MAGI2: variants seen among roughly 807,000 people sequenced by gnomAD.
The protein encoded by MAGI2 is membrane-associated guanylate kinase, WW and PDZ domain-containing protein 2.
In MAGI2, 35 loss-of-function variants were observed where a neutral mutation model predicts 133.3. The observed-to-expected ratio is 0.26, with a 90% CI of 0.20 to 0.35. MAGI2 has a LOEUF of 0.35. Ranked by LOEUF, MAGI2 falls within the 10% of genes least tolerant of loss-of-function variation. The pLI is 1.00. For synonymous variants in MAGI2, 729 were observed against 710.6 expected, an observed-to-expected ratio of 1.03 and a Z score of -0.41; for missense variants, 1,636 against 1,863.4, an observed-to-expected ratio of 0.88 and a Z score of 2.25.
At chr7:78,956,117 T>G (rs939943555) in intron 2 of MAGI2, among the ~76,000 whole-genome samples, 1 of 152,064 alleles carries the variant, frequency 6.6e-6, no homozygotes, top group African/African-American at 2.4e-5. Context: ...CAAAGGCCAG[T>G]GCAAGAGGGG....
At chr7:78,862,302 A>G (rs140489180) in intron 2 of MAGI2, among the ~76,000 whole-genome samples, 64 of 152,316 alleles carry the variant, frequency 4.2e-4, no homozygotes, top group African/African-American at 1.3e-3. Context: ...ACATTCTACA[A>G]TGTGGACTTT....
intron 2 of MAGI2, among the ~76,000 whole-genome samples, chr7:78,661,313 C>T (rs1268964337): frequency 6.6e-6 from 1 of 152,000 alleles, no homozygotes; most frequent in African/African-American, 2.4e-5. Context: ...TATGGAGATA[C>T]CTTTAAACCA....
chr7:79,419,901 T>A (rs1846819978), intron 1 of MAGI2, among the ~76,000 whole-genome samples: 1 of 152,058 alleles, frequency 6.6e-6, no homozygotes, highest in Non-Finnish European at 1.5e-5. Flanking sequence ...GGGAAATACA[T>A]TATTTTCCCC....
chr7:78,311,049 T>C (rs896216267), intron 9 of MAGI2, among the ~76,000 whole-genome samples: 2 of 152,238 alleles, frequency 1.3e-5, no homozygotes, highest in African/African-American at 2.4e-5. Flanking sequence ...TTCTAAGTGC[T>C]AACTCATTTG....
rs552111083 is a variant in MAGI2 at position 79,122,061 on chromosome 7, A to G, written c.302-114855T>C. 5.3e-5 allele frequency among the ~76,000 whole-genome samples: 8 copies of G among 152,292 alleles called. No homozygotes were observed. In the South Asian group the frequency reaches 1.7e-3, roughly 32 times the overall value. On this transcript the variant is annotated intron_variant, in intron 1 of 21. Transcript: ENST00000354212. ...AATTGATTTCTGCATATAAATGTAGATGTTCAATTAATCGTTATTGCTTTT... is the reference window on the plus strand; with the variant it reads ...AATTGATTTCTGCATATAAATGTAGGTGTTCAATTAATCGTTATTGCTTTT...
chr7:78,961,369 GA>G (rs977632793), intron 2 of MAGI2, among the ~76,000 whole-genome samples: 1 of 152,048 alleles, frequency 6.6e-6, no homozygotes, highest in Non-Finnish European at 1.5e-5. Context: ...TCTGGAGAAG[GA>G]AATTCTCTCT....
intron 2 of MAGI2, among the ~76,000 whole-genome samples, chr7:78,872,737 A>C (rs1338101792): frequency 6.6e-6 from 1 of 152,082 alleles, no homozygotes; most frequent in Non-Finnish European, 1.5e-5. Flanking sequence ...TCTGAGGGAA[A>C]TATTTCTGGC....
intron 6 of MAGI2, among the ~76,000 whole-genome samples, chr7:78,477,208 G>C (rs1387332622): frequency 6.6e-6 from 1 of 151,854 alleles, no homozygotes; most frequent in Non-Finnish European, 1.5e-5. Flanking sequence ...TTAATGCCTG[G>C]CAGTGTGATT....
Position 78,506,597 on chromosome 7 carries a change from C to T in MAGI2, c.755-4810G>A, listed in dbSNP as rs1795109550. On this transcript the variant is annotated intron_variant, in intron 4 of 21. Coordinates refer to ENST00000354212, the MANE Select transcript of MAGI2 (RefSeq NM_012301.4). Reference sequence around the variant, plus strand: ...AGCAATGAGAAAATTAAAAAAACTTCATGTTGCAAAAGCCAAGCAAAGGGT... The same window carrying T: ...AGCAATGAGAAAATTAAAAAAACTTTATGTTGCAAAAGCCAAGCAAAGGGT... Among the ~76,000 whole-genome samples the T allele has an allele frequency of 2.6e-5, 4 of 152,244 alleles. No homozygotes were observed. The South Asian group carries it at 8.3e-4, about 32-fold the overall frequency.
intron 1 of MAGI2, among the ~76,000 whole-genome samples, chr7:79,441,293 G>T (rs2129197200): frequency 6.6e-6 from 1 of 152,232 alleles, no homozygotes. Flanking sequence ...TAACTTTGTG[G>T]TTTTCTAAGT....
intron 1 of MAGI2, among the ~76,000 whole-genome samples, chr7:79,069,471 T>C (rs1435315749): frequency 1.3e-5 from 2 of 152,198 alleles, no homozygotes; most frequent in African/African-American, 4.8e-5. Context: ...TCCATCCTTT[T>C]ATTTTGAGCT....
At chr7:78,233,858 A>G (rs1790230865) in intron 10 of MAGI2, among the ~76,000 whole-genome samples, 1 of 152,134 alleles carries the variant, frequency 6.6e-6, no homozygotes, top group South Asian at 2.1e-4. Context: ...GCCAGAGGGA[A>G]AGAAGGAAGG....
In MAGI2 at chr7:79,453,592, G is replaced by C; in HGVS notation, c.-272C>G. On this transcript the variant is annotated 5_prime_UTR_variant, in exon 1 of 22. Coordinates refer to ENST00000354212, the MANE Select transcript of MAGI2 (RefSeq NM_012301.4). ...TCAAGGCTGTGGCCCCGCAGCAGAG[G>C]AAGCAGTGGTGGTGGCGTCGGCGGC... 1 of 1,112,008 alleles carries C rather than the reference G, an allele frequency of 9.0e-7. No homozygotes were observed. Among genetic ancestry groups the C allele is most frequent in the East Asian group, 5.2e-5 (1 of 19,206 alleles). 68.9% of individuals were successfully genotyped at this position (1,112,008 alleles called of 1,614,324 possible).
chr7:79,094,660 G>T (rs1043722924), intron 1 of MAGI2, among the ~76,000 whole-genome samples: 1 of 152,110 alleles, frequency 6.6e-6, no homozygotes, highest in Non-Finnish European at 1.5e-5. Context: ...TTGATCCATG[G>T]GCTACAGAAT....
At position 78,017,771 on chromosome 7, in the gene MAGI2, A is replaced by C. The variant is rs117427371; in HGVS notation, c.*1544T>G. 2 of 152,606 alleles carry C rather than the reference A, an allele frequency of 1.3e-5. No individual in the cohort carries two copies. The highest frequency in any genetic ancestry group is 3.9e-4 in the East Asian group (2 of 5,186). 9.5% of individuals were successfully genotyped at this position (152,606 alleles called of 1,614,324 possible). ...GGATACTGCAATTACAAGGAGAGGGAATGATCAGCCCAGGGAGGCTATTAC... is the reference window on the plus strand; with the variant it reads ...GGATACTGCAATTACAAGGAGAGGGCATGATCAGCCCAGGGAGGCTATTAC... On this transcript the variant is annotated 3_prime_UTR_variant, in exon 22 of 22. Coordinates refer to ENST00000354212, the MANE Select transcript of MAGI2 (RefSeq NM_012301.4).
chr7:79,180,144 G>A (rs996159576), intron 1 of MAGI2, among the ~76,000 whole-genome samples: 1 of 152,012 alleles, frequency 6.6e-6, no homozygotes, highest in Non-Finnish European at 1.5e-5. Flanking sequence ...ATATAAATGA[G>A]CAACAGGTAT....
chr7:78,364,937 G>C (rs954013593), intron 7 of MAGI2, among the ~76,000 whole-genome samples: 1 of 152,190 alleles, frequency 6.6e-6, no homozygotes, highest in Admixed American at 6.5e-5. Flanking sequence ...GTGTCTGTCA[G>C]GAAAAATTGG....
chr7:78,508,722 T>C (rs1795310932), intron 4 of MAGI2, among the ~76,000 whole-genome samples: 1 of 152,184 alleles, frequency 6.6e-6, no homozygotes, highest in Non-Finnish European at 1.5e-5. Context: ...TTCTGGACTA[T>C]TTAAATTCTG....
intron 9 of MAGI2, among the ~76,000 whole-genome samples, chr7:78,327,655 G>A (rs1232809540): frequency 1.3e-5 from 2 of 152,174 alleles, no homozygotes; most frequent in Non-Finnish European, 2.9e-5. Flanking sequence ...GGGTCCTGGA[G>A]TCAATTCTAT....
Sources: allele counts gnomAD v4.1 joint callset (sites outside exome capture counted in the v4.1 genomes callset), GRCh38; gene constraint gnomAD v4.1.1; transcripts MANE v1.5; gene names NCBI Gene and HGNC (gene_info 2026-07-23, HGNC 2026-07-21).